Variants in TANC2 observed in about 807,000 individuals in gnomAD.
TANC2 encodes tetratricopeptide repeat, ankyrin repeat and coiled-coil containing 2, also known as protein TANC2.
TANC2 carries 26 observed loss-of-function variants against 210.5 expected under a neutral mutation model. The ratio of observed to expected loss-of-function variants is 0.12; its 90% CI spans 0.09 to 0.17. The LOEUF is 0.17. Among genes scored for constraint, TANC2 ranks in the 10% least tolerant of loss-of-function variants. The pLI is 1.00. For missense variants in TANC2, 2,129 were observed against 2,608.9 expected, an observed-to-expected ratio of 0.82 and a Z score of 4.01; for synonymous variants, 931 against 967.1, an observed-to-expected ratio of 0.96 and a Z score of 0.69.
At chr17:63,194,411 G>A (rs1166812345) in intron 6 of TANC2, among the ~76,000 whole-genome samples, 1 of 152,128 alleles carries the variant, frequency 6.6e-6, no homozygotes, top group Non-Finnish European at 1.5e-5. Context: ...CCCCAAATTT[G>A]CAGAATATAC....
Position 63,354,124 on chromosome 17 carries a change from G to A in TANC2, c.1975-659G>A, listed in dbSNP as rs181264670. Among the ~76,000 whole-genome samples the A allele has an allele frequency of 6.4e-4, 98 of 152,194 alleles. 1 individual carries two copies. The highest frequency in any genetic ancestry group is 1.1e-3 in the Non-Finnish European group (75 of 67,956). The stretch of plus-strand genomic sequence containing the variant: ...ATGGGTACTCACAGGAGCAAAGTCC[G>A]TGGGTAGGTAAGAAAGGATGGAATC... On this transcript the variant is annotated intron_variant, in intron 13 of 27. Coordinates refer to ENST00000689528, the Ensembl canonical transcript of TANC2.
In TANC2 at chr17:63,421,673, C is replaced by T. The variant is rs377687196; in HGVS notation, c.5943C>T (p.Ile1981=). 25 of 1,614,088 alleles carry T rather than the reference C, an allele frequency of 1.5e-5. No homozygotes were observed. The African/African-American group carries it at 3.3e-4, about 22-fold the overall frequency. Residue 1981 remains isoleucine, a synonymous_variant, in exon 28 of 28, where the codon ATC becomes ATT. Transcript: ENST00000689528. The surrounding 1 kb of genome is among the most constrained non-coding windows in gnomAD (Gnocchi z 6.9). ...AGTCCTTCAGTCCACCATCATCCAT[C>T]AGCAACATTGCCTTTTATAACAAAA...
chr17:63,167,026 G>T (rs1417671555), intron 5 of TANC2, among the ~76,000 whole-genome samples: 2 of 152,164 alleles, frequency 1.3e-5, no homozygotes, highest in Non-Finnish European at 2.9e-5. Flanking sequence ...ATTATGAATG[G>T]AGAAAGAAAG....
exon 10 of TANC2, chr17:63,314,542 A>G (rs765501350): frequency 3.1e-6 from 5 of 1,613,972 alleles, no homozygotes; most frequent in Admixed American, 3.3e-5. Context: ...GCGTGAACCA[A>G]GGAGTAGTGA....
At chr17:62,990,050 T>G (rs2032780353) in intron 1 of TANC2, among the ~76,000 whole-genome samples, 1 of 152,146 alleles carries the variant, frequency 6.6e-6, no homozygotes, top group Middle Eastern at 3.2e-3. Flanking sequence ...GTGCTGGGAT[T>G]ACAGGCATGA....
At position 63,219,898 on chromosome 17, in the gene TANC2, A is replaced by G. The variant is rs567168133; in HGVS notation, c.770-17916A>G. 3.9e-5 allele frequency among the ~76,000 whole-genome samples: 6 copies of G among 152,278 alleles called. No individual in the cohort carries two copies. In the East Asian group the frequency reaches 7.7e-4, roughly 20 times the overall value. ...CCAGAACAAATTTTGAAAAAGAACA[A>G]AGTTGGAGGATTTATACTACCTGAT... is the stretch of plus-strand genomic sequence containing the variant. On this transcript the variant is annotated intron_variant, in intron 7 of 27. Transcript: ENST00000689528.
chr17:63,205,344 C>CAAAAAAAAAAAAAAAAAAAAA (rs1158768609), intron 7 of TANC2, among the ~76,000 whole-genome samples: 1 of 8,064 alleles, frequency 1.2e-4, no homozygotes, highest in Non-Finnish European at 2.4e-4. Flanking sequence ...ACCAAGGAGG[C>CAAAAAAAAAAAAAAAAAAAAA]AAAAAAAAAA....
At chr17:63,394,183 C>T (rs2048081800) in intron 17 of TANC2, among the ~76,000 whole-genome samples, 1 of 152,154 alleles carries the variant, frequency 6.6e-6, no homozygotes, top group East Asian at 1.9e-4. Flanking sequence ...TCCCTTCTCC[C>T]CCATGTATTT....
intron 6 of TANC2, among the ~76,000 whole-genome samples, chr17:63,197,262 A>G (rs771705402): frequency 1.3e-5 from 2 of 152,166 alleles, no homozygotes; most frequent in Non-Finnish European, 2.9e-5. Context: ...AGTAAATGAG[A>G]TAATATATAA....
chr17:63,099,412 C>T (rs1298320698), intron 4 of TANC2, 55 bp downstream of exon 4: 3 of 1,301,004 alleles, frequency 2.3e-6, no homozygotes, highest in South Asian at 3.2e-5. Flanking sequence ...CGATATGACA[C>T]TTTAGGTCAC....
intron 15 of TANC2, among the ~76,000 whole-genome samples, chr17:63,386,683 AAAT>A (rs1260524448): frequency 2.0e-5 from 3 of 151,838 alleles, no homozygotes; most frequent in African/African-American, 7.3e-5. Context: ...AAAATGTGTT[AAAT>A]AATAAACACT....
At chr17:63,308,952 T>C (rs1456165825) in intron 9 of TANC2, among the ~76,000 whole-genome samples, 1 of 152,208 alleles carries the variant, frequency 6.6e-6, no homozygotes, top group East Asian at 1.9e-4. Flanking sequence ...TTTTGGAGTA[T>C]TGTTAGCTTC....
At chr17:63,165,629 A>G (rs2040186237) in intron 5 of TANC2, among the ~76,000 whole-genome samples, 2 of 152,208 alleles carry the variant, frequency 1.3e-5, no homozygotes, top group Non-Finnish European at 2.9e-5. Context: ...TTATTGTGCA[A>G]CTTCTAGAAA....
Position 63,412,727 on chromosome 17 carries a change from C to T in TANC2, c.3928+18C>T, listed in dbSNP as rs1192788747. The T allele has an allele frequency of 7.8e-6, 12 of 1,535,722 alleles. No individual in the cohort carries two copies. The highest frequency in any genetic ancestry group is 1.0e-5 in the Non-Finnish European group (12 of 1,146,880). On this transcript the variant is annotated intron_variant, in intron 24 of 27. Coordinates refer to ENST00000689528, the Ensembl canonical transcript of TANC2. This position sits in a 1 kb window ranked among gnomAD's most constrained non-coding sequence, Gnocchi z 4.2. ...CCCACGAGGTATATTTCACCGCTGT[C>T]AGCATCAGGCGTGGTCTGATGGCTT...
chr17:63,197,025 G>C (rs1300257208), intron 6 of TANC2, among the ~76,000 whole-genome samples: 5 of 152,094 alleles, frequency 3.3e-5, no homozygotes, highest in Non-Finnish European at 7.4e-5. Flanking sequence ...GTTGTTGAAA[G>C]GATCAAGTTA....
intron 25 of TANC2, 114 bp from the exon 26 acceptor site, chr17:63,415,414 T>G: frequency 1.5e-6 from 2 of 1,374,332 alleles, no homozygotes; most frequent in Non-Finnish European, 2.0e-6. Context: ...GGCTGGCGTT[T>G]GGGAGGGTTA....
At chr17:63,190,143 T>C (rs1485285010) in intron 5 of TANC2, among the ~76,000 whole-genome samples, 4 of 152,094 alleles carry the variant, frequency 2.6e-5, no homozygotes, top group Non-Finnish European at 5.9e-5. Flanking sequence ...AAGACCAGCC[T>C]GGGCAACATA....
chr17:63,164,862 A>G (rs944765129), intron 5 of TANC2, among the ~76,000 whole-genome samples: 1 of 152,170 alleles, frequency 6.6e-6, no homozygotes, highest in African/African-American at 2.4e-5. Context: ...GGTGAAGATG[A>G]TCTTCTTTAC....
intron 5 of TANC2, among the ~76,000 whole-genome samples, chr17:63,188,362 G>C (rs898973884): frequency 2.6e-5 from 4 of 151,834 alleles, no homozygotes; most frequent in African/African-American, 7.3e-5. Flanking sequence ...GAGAGGCCTA[G>C]GTGGGCAGAT....
Sources: gnomAD v4.1 joint callset for allele counts (sites outside exome capture counted in the v4.1 genomes callset) on GRCh38, gnomAD v4.1.1 for gene constraint, Gnocchi (gnomAD v3.1) non-coding constraint, MANE v1.5 for transcripts, NCBI Gene and HGNC (gene_info 2026-07-23, HGNC 2026-07-21) for gene names.